The following GRIK5 variants were observed in gnomAD, a reference collection of about 807,000 sequenced individuals.
GRIK5 encodes glutamate receptor ionotropic, kainate 5.
GRIK5 carries 43 observed loss-of-function variants against 97.4 expected under a neutral mutation model. That is an observed-to-expected ratio of 0.44 (90% CI 0.35 to 0.57). The LOEUF (loss-of-function observed/expected upper bound fraction) is 0.57. GRIK5 is among the 20% of genes least tolerant of loss of function. The pLI is 0.01. For missense variants in GRIK5, 1,015 were observed against 1,382.0 expected, an observed-to-expected ratio of 0.73 and a Z score of 4.21; for synonymous variants, 580 against 583.5, an observed-to-expected ratio of 0.99 and a Z score of 0.09.
chr19:42,065,084 G>T lies in GRIK5; in HGVS notation c.244+139C>A, dbSNP rs1321044130. 49 of 733,466 alleles carry T rather than the reference G, an allele frequency of 6.7e-5. No individual in the cohort carries two copies. Among genetic ancestry groups the T allele is most frequent in the African/African-American group, 3.5e-5 (2 of 56,918 alleles). 45.4% of individuals were successfully genotyped at this position (733,466 alleles called of 1,614,324 possible). A position where few individuals can be genotyped will look rare whatever the true frequency, so the allele number is the denominator to read the frequency against. On this transcript the variant is annotated intron_variant, in intron 3 of 19. Transcript: ENST00000593562. This position sits in a 1 kb window ranked among gnomAD's most constrained non-coding sequence, Gnocchi z 5.8. ...GCCCAGCAGCAGCCATGTCTGGGAA[G>T]AAGGCAGAGACAAACACAAAGAAGG...
chr19:42,009,933 G>T (rs2075541578), intron 15 of GRIK5, among the ~76,000 whole-genome samples: 1 of 151,774 alleles, frequency 6.6e-6, no homozygotes, highest in Non-Finnish European at 1.5e-5. Flanking sequence ...GAGCATGGTG[G>T]TGCACGCCTG....
intron 19 of GRIK5, among the ~76,000 whole-genome samples, chr19:42,000,539 T>A (rs1218400802): frequency 6.6e-6 from 1 of 152,188 alleles, no homozygotes; most frequent in African/African-American, 2.4e-5. Flanking sequence ...ACACATCGCA[T>A]CACGTGCACA....
At position 42,050,288 on chromosome 19, in the gene GRIK5, G is replaced by A. The variant is rs530254263; in HGVS notation, c.1269+3314C>T. Among the ~76,000 whole-genome samples, 3 of 152,224 alleles carry A rather than the reference G, an allele frequency of 2.0e-5. No homozygotes were observed. The South Asian group carries it at 6.2e-4, about 32-fold the overall frequency. On this transcript the variant is annotated intron_variant, in intron 11 of 19. Coordinates refer to ENST00000593562, the MANE Select transcript of GRIK5 (RefSeq NM_002088.5). ...GAGGAAACTGAGTATAGAGAGACCT[G>A]CTAGGGGCAAACAGTGTGTGGATGG...
chr19:42,066,219 C>T (rs1001167858), intron 1 of GRIK5, among the ~76,000 whole-genome samples: 11 of 152,056 alleles, frequency 7.2e-5, no homozygotes, highest in African/African-American at 2.4e-4. Flanking sequence ...GGCAGGCAGC[C>T]GTTACTAGGC....
At chr19:42,060,179 G>T (rs886370064) in intron 5 of GRIK5, among the ~76,000 whole-genome samples, 1 of 151,304 alleles carries the variant, frequency 6.6e-6, no homozygotes, top group Non-Finnish European at 1.5e-5. Flanking sequence ...TCAACCCCTT[G>T]TTACTGCCCA....
At position 42,062,652 on chromosome 19, in the gene GRIK5, A is replaced by T; in HGVS notation, c.344T>A (p.Ile115Asn). ...TVSHICGEKEIPHIKVGPEET... is the reference protein window; with the variant it reads ...TVSHICGEKENPHIKVGPEET... ...CTCGGGACCCACCTTGATGTGGGGG[A>T]TCTGGACAGAGAGGAAACTTTGGCC... Residue 115 changes from isoleucine to asparagine, a missense_variant and splice_region_variant, in exon 5 of 20, where the codon ATC (isoleucine) becomes AAC (asparagine). Around this residue, in one of 5 missense-constraint regions of GRIK5, gnomAD observed 198 missense variants for 218.2 expected, o/e 0.91. Transcript: ENST00000593562. This position sits in a 1 kb window ranked among gnomAD's most constrained non-coding sequence, Gnocchi z 5.3. The T allele has an allele frequency of 6.2e-7, 1 of 1,613,890 alleles. No individual in the cohort carries two copies. Among genetic ancestry groups the T allele is most frequent in the Non-Finnish European group, 8.5e-7 (1 of 1,179,942 alleles).
chr19:42,013,836 T>C (rs1461565554), intron 15 of GRIK5, among the ~76,000 whole-genome samples: 1 of 152,108 alleles, frequency 6.6e-6, no homozygotes, highest in Non-Finnish European at 1.5e-5. Flanking sequence ...GAGACCAGCC[T>C]GGGCAACACA....
In GRIK5 at chr19:42,022,536, C is replaced by T. The variant is rs2075713496; in HGVS notation, c.1474-182G>A. On this transcript the variant is annotated intron_variant, in intron 12 of 19. Transcript: ENST00000593562. The surrounding 1 kb of genome is among the most constrained non-coding windows in gnomAD (Gnocchi z 4.2). The stretch of plus-strand genomic sequence containing the variant: ...GCCCACCTTGGGCCTGAAATCGGAC[C>T]CTCATCGCATGTCCATCCTCATCAT... 1 of 985,094 alleles carries T rather than the reference C, an allele frequency of 1.0e-6. No homozygotes were observed. The highest frequency in any genetic ancestry group is 1.2e-6 in the Non-Finnish European group (1 of 829,862). The allele number at this position is 985,094 out of a possible 1,614,324, so 61.0% of individuals were successfully genotyped here.
intron 11 of GRIK5, among the ~76,000 whole-genome samples, chr19:42,052,194 G>A (rs2076125521): frequency 6.6e-6 from 1 of 152,168 alleles, no homozygotes; most frequent in Admixed American, 6.5e-5. Flanking sequence ...CAGGCCTTGA[G>A]GAGAAGCAGG....
rs2075712217 is a variant in GRIK5 at position 42,022,467 on chromosome 19, A to G, written c.1474-113T>C. On this transcript the variant is annotated intron_variant, in intron 12 of 19. Transcript: ENST00000593562. The surrounding 1 kb of genome is among the most constrained non-coding windows in gnomAD (Gnocchi z 4.2). The stretch of plus-strand genomic sequence containing the variant: ...CAACTGAGGGAGGCGAGAGAGAGAG[A>G]GGTAGGGAGGGGGAGGGGCCAGGAG... 18 of 1,402,924 alleles carry G rather than the reference A, an allele frequency of 1.3e-5. No homozygotes were observed. The highest frequency in any genetic ancestry group is 7.0e-5 in the Admixed American group (3 of 42,936). The allele number at this position is 1,402,924 out of a possible 1,614,324, so 86.9% of individuals were successfully genotyped here.
chr19:42,065,350 A>C lies in GRIK5; in HGVS notation c.117T>G (p.Gly39=). ...ILDDQTVCGR[G]ERLALALARE... ...GGGCCAAGGCCAAGGCCAGACGCTC[A>C]CCGCGGCCACACACTGTCTGATCAT... The change falls in exon 3 of 20, where the codon GGT becomes GGG. Residue 39 remains glycine (G), a synonymous_variant. Transcript: ENST00000593562. The surrounding 1 kb of genome is among the most constrained non-coding windows in gnomAD (Gnocchi z 5.8). 2 of 1,605,784 alleles carry C rather than the reference A, an allele frequency of 1.2e-6. No individual in the cohort carries two copies. The highest frequency in any genetic ancestry group is 8.5e-7 in the Non-Finnish European group (1 of 1,175,928).
At chr19:42,055,526 T>C (rs1169381807) in intron 8 of GRIK5, among the ~76,000 whole-genome samples, 2 of 152,148 alleles carry the variant, frequency 1.3e-5, no homozygotes, top group Non-Finnish European at 2.9e-5. Context: ...GTGAACAAAA[T>C]AAACAGAACC....
At position 42,065,805 on chromosome 19, in the gene GRIK5, G is replaced by A. The variant is rs1225266562; in HGVS notation, c.-35C>T. ...CTCCTCATGGGGACGCAGCTGCCGC[G>A]GCCCCCACTCGCCACCTGCAGGGAG... On this transcript the variant is annotated 5_prime_UTR_variant, in exon 2 of 20. Transcript: ENST00000593562. The surrounding 1 kb of genome is among the most constrained non-coding windows in gnomAD (Gnocchi z 5.8). The A allele has an allele frequency of 5.3e-6, 8 of 1,521,082 alleles. No homozygotes were observed. In the Admixed American group the frequency reaches 1.4e-4, roughly 26 times the overall value. 94.2% of individuals were successfully genotyped at this position (1,521,082 alleles called of 1,614,324 possible).
At position 42,069,868 on chromosome 19, in the gene GRIK5, G is replaced by C. The variant is rs1403093157; in HGVS notation, c.-678C>G. ...TGGGGGCGGGGAGAGCCCGGGAGTG[G>C]AGAGCTGGGGAGGATGGAGAGCTGG... On this transcript the variant is annotated 5_prime_UTR_variant, in exon 1 of 20. Coordinates refer to ENST00000593562, the MANE Select transcript of GRIK5 (RefSeq NM_002088.5). 6.6e-6 allele frequency among the ~76,000 whole-genome samples: 1 copy of C among 152,138 alleles called. No homozygotes were observed. The highest frequency in any genetic ancestry group is 1.5e-5 in the Non-Finnish European group (1 of 67,992).
intron 3 of GRIK5, chr19:42,063,636 T>TG (rs1350877605): frequency 3.8e-6 from 1 of 261,046 alleles, no homozygotes; most frequent in African/African-American, 2.3e-5. Context: ...AGCTTGGTGC[T>TG]GCTGGGGCCA....
intron 1 of GRIK5, among the ~76,000 whole-genome samples, chr19:42,068,282 A>T (rs1017620043): frequency 6.6e-5 from 10 of 152,156 alleles, no homozygotes; most frequent in Admixed American, 6.5e-4. Flanking sequence ...ACACAGAGGC[A>T]TAGCCACCCC....
At chr19:42,053,970 G>A (rs2076149097) in intron 9 of GRIK5, 41 bp from the exon 10 acceptor site, 1 of 1,384,974 alleles carries the variant, frequency 7.2e-7, no homozygotes, top group Non-Finnish European at 1.0e-6. Context: ...GAGTGCAGGG[G>A]CCCAGAGATG....
intron 17 of GRIK5, among the ~76,000 whole-genome samples, chr19:42,005,423 A>T (rs1191032947): frequency 6.6e-6 from 1 of 152,052 alleles, no homozygotes; most frequent in Non-Finnish European, 1.5e-5. Context: ...CCTCACCCCC[A>T]CAGGGCCCTT....
chr19:42,003,733 G>C lies in GRIK5; in HGVS notation c.2264-50C>G. The stretch of plus-strand genomic sequence containing the variant: ...ACCAGCCATCGGGCCCTGCAGCCCT[G>C]ACCGCCCCAAACCCCAAACTGTGCC... On this transcript the variant is annotated intron_variant, in intron 17 of 19. Transcript: ENST00000593562. This position sits in a 1 kb window ranked among gnomAD's most constrained non-coding sequence, Gnocchi z 4.2. 1 of 1,530,028 alleles carries C rather than the reference G, an allele frequency of 6.5e-7. No homozygotes were observed. Among genetic ancestry groups the C allele is most frequent in the South Asian group, 1.3e-5 (1 of 77,430 alleles). 94.8% of individuals were successfully genotyped at this position (1,530,028 alleles called of 1,614,324 possible). A position where few individuals can be genotyped will look rare whatever the true frequency, so the allele number is the denominator to read the frequency against.
Sources: gnomAD v4.1 joint callset for allele counts (sites outside exome capture counted in the v4.1 genomes callset) on GRCh38, gnomAD v4.1.1 for gene constraint, gnomAD v4.1.1 regional missense constraint, Gnocchi (gnomAD v3.1) non-coding constraint, MANE v1.5 for transcripts, NCBI Gene and HGNC (gene_info 2026-07-23, HGNC 2026-07-21) for gene names.